ZMAT4: variants seen among roughly 807,000 people sequenced by gnomAD.
ZMAT4 encodes zinc finger matrin-type 4.
ZMAT4 carries 17 observed loss-of-function variants against 28.7 expected under a neutral mutation model. The observed-to-expected ratio is 0.59, with a 90% confidence interval of 0.41 to 0.89. The LOEUF (loss-of-function observed/expected upper bound fraction) is 0.89. Among genes scored for constraint, ZMAT4 ranks in the 40% least tolerant of loss-of-function variants. ZMAT4 has a pLI of 0.00. For synonymous variants in ZMAT4, 117 were observed against 109.2 expected, an observed-to-expected ratio of 1.07 and a Z score of -0.44; for missense variants, 240 against 283.8, an observed-to-expected ratio of 0.85 and a Z score of 1.11.
intron 4 of ZMAT4, among the ~76,000 whole-genome samples, chr8:40,686,387 C>A (rs944582030): frequency 6.6e-6 from 1 of 151,996 alleles, no homozygotes; most frequent in Non-Finnish European, 1.5e-5. Flanking sequence ...AAATCTTGAG[C>A]CCAGGAATTC....
At chr8:40,693,004 A>G (rs1809722224) in intron 4 of ZMAT4, among the ~76,000 whole-genome samples, 1 of 152,172 alleles carries the variant, frequency 6.6e-6, no homozygotes, top group African/African-American at 2.4e-5. Context: ...ATGTCCCCCT[A>G]GAAGCTCAGA....
intron 5 of ZMAT4, among the ~76,000 whole-genome samples, chr8:40,643,555 AC>A (rs1299857728): frequency 2.6e-5 from 4 of 152,156 alleles, no homozygotes; most frequent in African/African-American, 9.7e-5. Context: ...AAACAAAGAT[AC>A]AAGGTCTCTG....
chr8:40,757,695 T>A (rs550895479), intron 3 of ZMAT4, among the ~76,000 whole-genome samples: 39 of 152,308 alleles, frequency 2.6e-4, no homozygotes, highest in African/African-American at 9.1e-4. Flanking sequence ...CAAATATCCT[T>A]GGAAGGGCAA....
chr8:40,587,254 C>T (rs1342561033), intron 5 of ZMAT4, among the ~76,000 whole-genome samples: 1 of 151,938 alleles, frequency 6.6e-6, no homozygotes, highest in Non-Finnish European at 1.5e-5. Context: ...GTCAGCAAAC[C>T]AGTACTACAG....
intron 6 of ZMAT4, among the ~76,000 whole-genome samples, chr8:40,564,811 G>A (rs73620702): frequency 0.035 from 5,282 of 152,222 alleles, 289 homozygotes; most frequent in African/African-American, 0.12. Context: ...ACCATTAATT[G>A]TTGAGCATCC....
At chr8:40,744,087 T>C (rs914315745) in intron 3 of ZMAT4, among the ~76,000 whole-genome samples, 3 of 152,088 alleles carry the variant, frequency 2.0e-5, no homozygotes, top group Admixed American at 2.0e-4. Context: ...CCCAGAAAGA[T>C]AGAGACTAGA....
chr8:40,551,199 T>C (rs1277310900), intron 6 of ZMAT4, among the ~76,000 whole-genome samples: 1 of 152,184 alleles, frequency 6.6e-6, no homozygotes, highest in South Asian at 2.1e-4. Flanking sequence ...AGTTAATGTT[T>C]ATAGAATTAA....
chr8:40,600,573 A>T (rs2118611049), intron 5 of ZMAT4, among the ~76,000 whole-genome samples: 1 of 152,298 alleles, frequency 6.6e-6, no homozygotes, highest in African/African-American at 2.4e-5. Flanking sequence ...AGAGGAAGTG[A>T]GGAAGTTCTA....
chr8:40,534,480 T>A (rs902725821), intron 6 of ZMAT4, among the ~76,000 whole-genome samples: 3 of 152,158 alleles, frequency 2.0e-5, no homozygotes, highest in African/African-American at 7.2e-5. Context: ...AAAAAATTCA[T>A]CACATAGCTT....
At chr8:40,808,647 T>G (rs1382263647) in intron 2 of ZMAT4, 1 of 428,302 alleles carries the variant, frequency 2.3e-6, no homozygotes, top group Non-Finnish European at 4.7e-6. Flanking sequence ...ATGGTCACAT[T>G]AGACATCTTC....
chr8:40,581,478 G>A (rs992105786), intron 5 of ZMAT4, among the ~76,000 whole-genome samples: 4 of 152,124 alleles, frequency 2.6e-5, no homozygotes, highest in Admixed American at 2.0e-4. Context: ...TTTCTGGAAG[G>A]CTTAAATTAT....
chr8:40,616,228 C>G (rs1183911560), intron 5 of ZMAT4, among the ~76,000 whole-genome samples: 1 of 152,166 alleles, frequency 6.6e-6, no homozygotes, highest in Admixed American at 6.5e-5. Flanking sequence ...ATTAAAAAGT[C>G]AGGAAACAAC....
At chr8:40,593,307 C>T (rs576558856) in intron 5 of ZMAT4, among the ~76,000 whole-genome samples, 7 of 152,152 alleles carry the variant, frequency 4.6e-5, no homozygotes, top group Non-Finnish European at 8.8e-5. Context: ...TATCAAGATA[C>T]ACAGTGGGTT....
intron 3 of ZMAT4, among the ~76,000 whole-genome samples, chr8:40,706,889 G>C (rs1810379050): frequency 6.6e-6 from 1 of 152,012 alleles, no homozygotes; most frequent in South Asian, 2.1e-4. Flanking sequence ...GAATCAGGTG[G>C]GGAGCACACC....
chr8:40,628,261 T>A lies in ZMAT4; in HGVS notation c.577+46443A>T, dbSNP rs1312947125. 2.0e-5 allele frequency among the ~76,000 whole-genome samples: 3 copies of A among 152,184 alleles called. No individual in the cohort carries two copies. The East Asian group carries it at 5.8e-4, about 29-fold the overall frequency. On this transcript the variant is annotated intron_variant, in intron 5 of 6. Coordinates refer to ENST00000297737, the MANE Select transcript of ZMAT4 (RefSeq NM_024645.3). ...ATTGATGTCTAGGCTAAATAAGAAATGAGATGAAGACAGGAAAGCGTTAAG... is the reference window on the plus strand; with the variant it reads ...ATTGATGTCTAGGCTAAATAAGAAAAGAGATGAAGACAGGAAAGCGTTAAG...
At chr8:40,801,594 C>A (rs938743990) in intron 2 of ZMAT4, among the ~76,000 whole-genome samples, 3 of 151,740 alleles carry the variant, frequency 2.0e-5, no homozygotes, top group African/African-American at 7.3e-5. Flanking sequence ...CACTTGAATC[C>A]AGGAGGCAGA....
chr8:40,703,464 C>G (rs1810229971), intron 3 of ZMAT4, among the ~76,000 whole-genome samples: 1 of 152,094 alleles, frequency 6.6e-6, no homozygotes, highest in Non-Finnish European at 1.5e-5. Context: ...ATAAAAGAAG[C>G]CAATCCATCA....
chr8:40,757,359 C>A (rs1351766309), intron 3 of ZMAT4, among the ~76,000 whole-genome samples: 1 of 152,136 alleles, frequency 6.6e-6, no homozygotes, highest in East Asian at 1.9e-4. Flanking sequence ...CCACTGTACA[C>A]ACATACACAC....
At chr8:40,791,856 C>G (rs1222822414) in intron 2 of ZMAT4, among the ~76,000 whole-genome samples, 1 of 152,184 alleles carries the variant, frequency 6.6e-6, no homozygotes, top group Non-Finnish European at 1.5e-5. Flanking sequence ...CTGGTGTCCA[C>G]TGGCTTGTCA....
Sources: allele counts gnomAD v4.1 joint callset (sites outside exome capture counted in the v4.1 genomes callset), GRCh38; gene constraint gnomAD v4.1.1; transcripts MANE v1.5; gene names NCBI Gene and HGNC (gene_info 2026-07-23, HGNC 2026-07-21).